The following TENM2 variants were observed in gnomAD, a reference collection of about 807,000 sequenced individuals.
The protein encoded by TENM2 is teneurin-2.
TENM2 carries 52 observed loss-of-function variants against 245.2 expected under a neutral mutation model. The ratio of observed to expected loss-of-function variants is 0.21; its 90% CI spans 0.17 to 0.27. The LOEUF (loss-of-function observed/expected upper bound fraction) is 0.27, where lower values mean the gene tolerates loss of function less well. Ranked by LOEUF, TENM2 falls within the 10% of genes least tolerant of loss-of-function variation. The pLI, the probability that TENM2 is intolerant of heterozygous loss-of-function variation, is 1.00. For synonymous variants in TENM2, 1,363 were observed against 1,438.9 expected, an observed-to-expected ratio of 0.95 and a Z score of 1.19; for missense variants, 3,046 against 3,666.8, an observed-to-expected ratio of 0.83 and a Z score of 4.37.
chr5:168,053,068 A>G (rs1581170651), intron 6 of TENM2, among the ~76,000 whole-genome samples: 1 of 152,178 alleles, frequency 6.6e-6, no homozygotes, highest in Non-Finnish European at 1.5e-5. Flanking sequence ...ACTTCCCTAT[A>G]TGGGGCTTTT....
chr5:168,146,886 G>A (rs1756133136), intron 12 of TENM2, among the ~76,000 whole-genome samples: 1 of 152,178 alleles, frequency 6.6e-6, no homozygotes, highest in South Asian at 2.1e-4. Context: ...ATGGGGTTCT[G>A]GGGAGTCCAG....
chr5:168,075,373 T>A (rs1381296412), intron 7 of TENM2, among the ~76,000 whole-genome samples: 1 of 152,216 alleles, frequency 6.6e-6, no homozygotes, highest in Non-Finnish European at 1.5e-5. Context: ...TTTTTGCAAT[T>A]GCTAATTGTG....
At chr5:168,096,867 T>A (rs1793412722) in intron 8 of TENM2, among the ~76,000 whole-genome samples, 1 of 112,222 alleles carries the variant, frequency 8.9e-6, no homozygotes, top group Non-Finnish European at 2.0e-5. Context: ...ATTAGGATTA[T>A]GGTAATAATT....
Position 167,612,188 on chromosome 5 carries a change from G to A in TENM2, c.502+236715G>A, listed in dbSNP as rs543079875. ...CGTCTTTTGCCCACCACAACCCCCA[G>A]CTCACAACAGCACAATGTGTCCTAA... On this transcript the variant is annotated intron_variant, in intron 2 of 28. Coordinates refer to ENST00000518659, the Ensembl canonical transcript of TENM2. Among the ~76,000 whole-genome samples the A allele has an allele frequency of 2.6e-5, 4 of 152,088 alleles. No homozygotes were observed. The South Asian group carries it at 8.3e-4, about 32-fold the overall frequency.
At chr5:167,795,987 A>T (rs1765287233) in intron 2 of TENM2, among the ~76,000 whole-genome samples, 2 of 152,366 alleles carry the variant, frequency 1.3e-5, no homozygotes, top group Non-Finnish European at 2.9e-5. Flanking sequence ...TTTTAAAGAC[A>T]GAGTAGGTGG....
chr5:167,379,398 G>C (rs921349604), intron 2 of TENM2, among the ~76,000 whole-genome samples: 4 of 152,024 alleles, frequency 2.6e-5, no homozygotes, highest in Admixed American at 2.0e-4. Flanking sequence ...CCTTAGCACC[G>C]GGGACAATGT....
chr5:167,441,536 C>A (rs996421426), intron 2 of TENM2, among the ~76,000 whole-genome samples: 1 of 152,130 alleles, frequency 6.6e-6, no homozygotes, highest in Non-Finnish European at 1.5e-5. Context: ...GCTTTTCTAT[C>A]AGCTGAAACC....
At chr5:167,514,298 G>T (rs1252546232) in intron 2 of TENM2, among the ~76,000 whole-genome samples, 2 of 152,128 alleles carry the variant, frequency 1.3e-5, no homozygotes, top group East Asian at 1.9e-4. Context: ...TGAACAGCCA[G>T]TTATGAACAC....
At chr5:167,088,487 C>T in the TENM2 span, among the ~76,000 whole-genome samples, 5 of 151,740 alleles carry the variant, frequency 3.3e-5, no homozygotes, top group African/African-American at 4.8e-5. Context: ...ATTAGAGGGG[C>T]GTGGTTTTGG....
At chr5:167,650,919 G>A (rs1754416754) in intron 2 of TENM2, among the ~76,000 whole-genome samples, 1 of 152,104 alleles carries the variant, frequency 6.6e-6, no homozygotes, top group Non-Finnish European at 1.5e-5. Flanking sequence ...CTAACCATTA[G>A]ACTTGGAAGT....
intron 2 of TENM2, among the ~76,000 whole-genome samples, chr5:167,553,413 T>C (rs1276018408): frequency 6.6e-6 from 1 of 152,136 alleles, no homozygotes; most frequent in African/African-American, 2.4e-5. Context: ...CAACTATGAA[T>C]GTATAAACAG....
intron 2 of TENM2, among the ~76,000 whole-genome samples, chr5:167,472,575 G>T (rs10058318): frequency 0.66 from 100,189 of 151,970 alleles, 33,652 homozygotes; most frequent in Non-Finnish European, 0.73. Flanking sequence ...GTCTTGCCTT[G>T]GTTGCCTTAG....
intron 3 of TENM2, among the ~76,000 whole-genome samples, chr5:167,876,581 T>A (rs1030645790): frequency 6.6e-6 from 1 of 152,078 alleles, no homozygotes; most frequent in Non-Finnish European, 1.5e-5. Flanking sequence ...GTATCTCAGA[T>A]CCCTGGTTTG....
At chr5:167,739,823 T>A (rs1223925685) in intron 2 of TENM2, among the ~76,000 whole-genome samples, 1 of 152,154 alleles carries the variant, frequency 6.6e-6, no homozygotes, top group Non-Finnish European at 1.5e-5. Context: ...GTTGAGACAT[T>A]ACCTTGAGCA....
intron 9 of TENM2, among the ~76,000 whole-genome samples, chr5:168,116,974 T>C (rs1008929328): frequency 6.6e-6 from 1 of 152,186 alleles, no homozygotes; most frequent in African/African-American, 2.4e-5. Context: ...GCCACTTCCA[T>C]AGCCGGAGGA....
At chr5:167,552,532 C>T (rs771032855) in intron 2 of TENM2, among the ~76,000 whole-genome samples, 5 of 151,994 alleles carry the variant, frequency 3.3e-5, no homozygotes, top group African/African-American at 4.8e-5. Context: ...CCCCCCAACC[C>T]GCCGCCCACA....
At chr5:167,068,468 A>AT in the TENM2 span, among the ~76,000 whole-genome samples, 1 of 152,234 alleles carries the variant, frequency 6.6e-6, no homozygotes, top group African/African-American at 2.4e-5. Flanking sequence ...GTATTAATAT[A>AT]TTTTATTTAA....
Position 167,952,575 on chromosome 5 carries a change from C to G in TENM2, c.713-13C>G, listed in dbSNP as rs1780195478. On this transcript the variant is annotated splice_polypyrimidine_tract_variant and intron_variant, in intron 3 of 28. Transcript: ENST00000518659. ...TTGCAGACGCTAACAGTCATTTCTC[C>G]TTTTTTTTTCAGGCCCTCCGAACCA... 1 of 1,539,274 alleles carries G rather than the reference C, an allele frequency of 6.5e-7. No individual in the cohort carries two copies. Among genetic ancestry groups the G allele is most frequent in the Admixed American group, 1.8e-5 (1 of 56,450 alleles).
chr5:167,936,886 A>C (rs1583422384), intron 3 of TENM2, among the ~76,000 whole-genome samples: 1 of 152,216 alleles, frequency 6.6e-6, no homozygotes, highest in Admixed American at 6.5e-5. Flanking sequence ...ATGTCATCTA[A>C]ATGAAATCAT....
Sources: allele counts gnomAD v4.1 joint callset (sites outside exome capture counted in the v4.1 genomes callset), GRCh38; gene constraint gnomAD v4.1.1; transcripts MANE v1.5; gene names NCBI Gene and HGNC (gene_info 2026-07-23, HGNC 2026-07-21).